The following RAD51B variants were observed in gnomAD, a reference collection of about 807,000 sequenced individuals.
RAD51B encodes the protein RAD51 paralog B.
In RAD51B, 38 loss-of-function variants were observed where a neutral mutation model predicts 42.2. The ratio of observed to expected loss-of-function variants is 0.90; its 90% CI spans 0.70 to 1.18. The LOEUF is 1.18. Among genes scored for constraint, RAD51B ranks in the 50% most tolerant of loss-of-function variants. RAD51B has a pLI of 0.00. For missense variants in RAD51B, 373 were observed against 400.7 expected, an observed-to-expected ratio of 0.93 and a Z score of 0.59; for synonymous variants, 154 against 145.2, an observed-to-expected ratio of 1.06 and a Z score of -0.43.
chr14:68,098,673 T>G lies in RAD51B; in HGVS notation c.757-193211T>G, dbSNP rs560984109. Among the ~76,000 whole-genome samples the G allele has an allele frequency of 2.9e-4, 44 of 152,286 alleles. 2 individuals carry two copies. In the South Asian group the frequency reaches 8.9e-3, roughly 31 times the overall value. ...GGAAACTGCCCCAATGGATTCAGAT[T>G]ATCTCCCACCAGGTCCCTCCCACAA... On this transcript the variant is annotated intron_variant, in intron 7 of 10. Transcript: ENST00000471583.
intron 10 of RAD51B, among the ~76,000 whole-genome samples, chr14:68,618,896 C>G (rs985176100): frequency 6.6e-6 from 1 of 152,098 alleles, no homozygotes; most frequent in African/African-American, 2.4e-5. Flanking sequence ...CTCAGCTGCT[C>G]TGCTTCACAG....
intron 7 of RAD51B, among the ~76,000 whole-genome samples, chr14:68,075,655 C>G (rs1430537477): frequency 6.6e-6 from 1 of 152,042 alleles, no homozygotes; most frequent in Non-Finnish European, 1.5e-5. Flanking sequence ...TGGCAGCTGC[C>G]TTTGGGAGCT....
intron 7 of RAD51B, among the ~76,000 whole-genome samples, chr14:67,937,901 T>G (rs1056391619): frequency 6.6e-6 from 1 of 152,126 alleles, no homozygotes; most frequent in Non-Finnish European, 1.5e-5. Flanking sequence ...GTAACTTTTT[T>G]TTTTCTTTTT....
chr14:68,499,112 T>C (rs911861400), intron 10 of RAD51B, among the ~76,000 whole-genome samples: 2 of 152,108 alleles, frequency 1.3e-5, no homozygotes, highest in African/African-American at 4.8e-5. Context: ...GAGAGAATGA[T>C]GTTTCTGGTG....
At chr14:68,217,102 C>T (rs868300046) in intron 7 of RAD51B, among the ~76,000 whole-genome samples, 6 of 152,294 alleles carry the variant, frequency 3.9e-5, no homozygotes, top group African/African-American at 1.2e-4. Context: ...TTTCACCTTC[C>T]CACTCTAAAC....
At chr14:67,858,276 A>G (rs2042060538) in intron 4 of RAD51B, among the ~76,000 whole-genome samples, 1 of 152,218 alleles carries the variant, frequency 6.6e-6, no homozygotes, top group African/African-American at 2.4e-5. Context: ...GAATGAGGTC[A>G]GTTGGACAAT....
intron 10 of RAD51B, among the ~76,000 whole-genome samples, chr14:68,608,015 G>T (rs1256026653): frequency 6.6e-6 from 1 of 152,218 alleles, no homozygotes; most frequent in Non-Finnish European, 1.5e-5. Flanking sequence ...TTCTAGCCAG[G>T]GGTGGTATGA....
intron 11 of RAD51B, among the ~76,000 whole-genome samples, chr14:68,663,552 C>T (rs1484531213): frequency 2.6e-5 from 4 of 152,192 alleles, no homozygotes; most frequent in Non-Finnish European, 5.9e-5. Context: ...TGTTAGCTTC[C>T]TTTAGCTTTA....
intron 7 of RAD51B, among the ~76,000 whole-genome samples, chr14:68,123,097 G>A (rs2077683614): frequency 1.3e-5 from 2 of 151,054 alleles, no homozygotes; most frequent in African/African-American, 4.9e-5. Context: ...ATCCTTTTAT[G>A]TTTTATCATT....
At chr14:68,589,889 C>G (rs1338515457) in intron 10 of RAD51B, among the ~76,000 whole-genome samples, 2 of 152,182 alleles carry the variant, frequency 1.3e-5, no homozygotes, top group African/African-American at 4.8e-5. Context: ...ATTAGCTCAT[C>G]AAGCTGGGTA....
chr14:68,508,795 C>T (rs547236754), intron 10 of RAD51B, among the ~76,000 whole-genome samples: 2 of 152,326 alleles, frequency 1.3e-5, no homozygotes, highest in Admixed American at 1.3e-4. Flanking sequence ...CTTTTTTAGC[C>T]CCTGAAAGCC....
intron 7 of RAD51B, among the ~76,000 whole-genome samples, chr14:68,003,614 C>G (rs1354137102): frequency 6.6e-6 from 1 of 152,188 alleles, no homozygotes; most frequent in African/African-American, 2.4e-5. Flanking sequence ...AAGGGGAATG[C>G]TTCCAGCTTT....
At chr14:68,473,762 G>A (rs1420301374) in intron 10 of RAD51B, among the ~76,000 whole-genome samples, 1 of 151,562 alleles carries the variant, frequency 6.6e-6, no homozygotes, top group African/African-American at 2.4e-5. Flanking sequence ...GGACTCCTTT[G>A]TACCTATTCC....
chr14:67,892,353 A>C (rs983422047), intron 7 of RAD51B, among the ~76,000 whole-genome samples: 21 of 152,182 alleles, frequency 1.4e-4, no homozygotes, highest in African/African-American at 5.1e-4. Flanking sequence ...TTCTAGCAAA[A>C]ACCTAGAAAC....
chr14:68,029,664 ATCT>A (rs2076010272), intron 7 of RAD51B, among the ~76,000 whole-genome samples: 1 of 152,290 alleles, frequency 6.6e-6, no homozygotes, highest in East Asian at 1.9e-4. Context: ...GACAGCTGGA[ATCT>A]TCTTCACTCC....
intron 7 of RAD51B, among the ~76,000 whole-genome samples, chr14:67,967,495 C>G (rs1456188359): frequency 2.0e-5 from 3 of 152,144 alleles, no homozygotes; most frequent in African/African-American, 7.2e-5. Flanking sequence ...GTTTCCTAGA[C>G]ACAATAAGGG....
At chr14:67,830,189 A>G (rs2040985691) in intron 3 of RAD51B, among the ~76,000 whole-genome samples, 1 of 152,320 alleles carries the variant, frequency 6.6e-6, no homozygotes, top group South Asian at 2.1e-4. Context: ...CTTTATTCCA[A>G]GAGCAATGGA....
intron 4 of RAD51B, among the ~76,000 whole-genome samples, chr14:67,840,913 T>G (rs952282043): frequency 1.3e-5 from 2 of 152,164 alleles, no homozygotes; most frequent in Non-Finnish European, 2.9e-5. Context: ...GTGATTCTCG[T>G]GCCTCAGCCT....
intron 10 of RAD51B, among the ~76,000 whole-genome samples, chr14:68,608,661 G>A (rs1457629834): frequency 6.6e-6 from 1 of 152,160 alleles, no homozygotes; most frequent in Admixed American, 6.5e-5. Context: ...ACAGTTCCCG[G>A]GCATGAAACT....
Sources: allele counts gnomAD v4.1 joint callset (sites outside exome capture counted in the v4.1 genomes callset), GRCh38; gene constraint gnomAD v4.1.1; transcripts MANE v1.5; gene names NCBI Gene and HGNC (gene_info 2026-07-23, HGNC 2026-07-21).